PRKG1: variants seen among roughly 807,000 people sequenced by gnomAD.
The protein encoded by PRKG1 is protein kinase cGMP-dependent 1, also known as cGMP-dependent protein kinase 1.
A neutral mutation model predicts 88.1 loss-of-function variants in PRKG1; 35 were observed. The ratio of observed to expected loss-of-function variants is 0.40; its 90% CI spans 0.30 to 0.53. The LOEUF (loss-of-function observed/expected upper bound fraction) is 0.53. Ranked by LOEUF, PRKG1 falls within the 20% of genes least tolerant of loss-of-function variation. The pLI is 0.59. For synonymous variants in PRKG1, 303 were observed against 292.5 expected (o/e 1.04, Z -0.37); for missense variants, 540 against 839.8 (o/e 0.64, Z 4.41).
At chr10:52,258,150 A>G (rs1405757361) in intron 10 of PRKG1, among the ~76,000 whole-genome samples, 2 of 139,174 alleles carry the variant, frequency 1.4e-5, no homozygotes, top group African/African-American at 5.0e-5. Flanking sequence ...TCTTACAAGT[A>G]GTTGAAGTTA....
At chr10:51,950,804 C>T (rs941124884) in intron 5 of PRKG1, among the ~76,000 whole-genome samples, 6 of 152,254 alleles carry the variant, frequency 3.9e-5, no homozygotes, top group Non-Finnish European at 5.9e-5. Flanking sequence ...TGGGTACCTG[C>T]GCTCAGTGTG....
chr10:52,064,573 G>A (rs1171639733), intron 7 of PRKG1, among the ~76,000 whole-genome samples: 3 of 152,226 alleles, frequency 2.0e-5, no homozygotes, highest in Admixed American at 6.5e-5. Context: ...CTGCACCGGG[G>A]AGAAAAGGGC....
rs376243052 is a variant in PRKG1, at chr10:51,066,981, T to C, written c.266+75337T>C. ...ATATTTGCCTGCTTAAGATCCATGATAACTATGTTTTCTTCCTGTCACTTT... is the reference window on the plus strand; with the variant it reads ...ATATTTGCCTGCTTAAGATCCATGACAACTATGTTTTCTTCCTGTCACTTT... On this transcript the variant is annotated intron_variant, in intron 1 of 17. Transcript: ENST00000401604. Among the ~76,000 whole-genome samples, 101 of 152,202 alleles carry C rather than the reference T, an allele frequency of 6.6e-4. 1 individual carries two copies. Among genetic ancestry groups the C allele is most frequent in the African/African-American group, 2.2e-3 (92 of 41,542 alleles).
chr10:51,281,562 G>A (rs1200261531), intron 2 of PRKG1, among the ~76,000 whole-genome samples: 1 of 152,148 alleles, frequency 6.6e-6, no homozygotes, highest in Non-Finnish European at 1.5e-5. Context: ...CTGGAAGCTC[G>A]AACTGGGTGG....
At chr10:51,646,010 C>A (rs1839906675) in intron 3 of PRKG1, among the ~76,000 whole-genome samples, 1 of 152,014 alleles carries the variant, frequency 6.6e-6, no homozygotes, top group South Asian at 2.1e-4. Flanking sequence ...ATTGTAATTT[C>A]CAAAAAATCC....
At chr10:51,666,270 A>G (rs1372472223) in intron 3 of PRKG1, among the ~76,000 whole-genome samples, 1 of 152,202 alleles carries the variant, frequency 6.6e-6, no homozygotes, top group African/African-American at 2.4e-5. Context: ...AATCAAGTAT[A>G]TCTTTGGCTG....
At chr10:52,111,766 G>A (rs1387633061) in intron 7 of PRKG1, among the ~76,000 whole-genome samples, 2 of 152,134 alleles carry the variant, frequency 1.3e-5, no homozygotes, top group Non-Finnish European at 2.9e-5. Context: ...ACATTCTACT[G>A]AAGCAGACAA....
At chr10:51,552,083 C>T (rs991100051) in intron 3 of PRKG1, among the ~76,000 whole-genome samples, 1 of 151,450 alleles carries the variant, frequency 6.6e-6, no homozygotes, top group Non-Finnish European at 1.5e-5. Context: ...AGCTATATAC[C>T]CTACAGACTC....
chr10:51,694,496 C>A (rs1420854086), intron 3 of PRKG1, among the ~76,000 whole-genome samples: 1 of 152,100 alleles, frequency 6.6e-6, no homozygotes, highest in African/African-American at 2.4e-5. Context: ...CTCCCAAATC[C>A]TAGGAAGTCA....
intron 1 of PRKG1, among the ~76,000 whole-genome samples, chr10:51,151,766 T>C (rs771254151): frequency 6.6e-6 from 1 of 152,110 alleles, no homozygotes; most frequent in Non-Finnish European, 1.5e-5. Context: ...TTGTTTTTAT[T>C]TTTATGTGTA....
At chr10:51,180,623 A>C (rs1367902771) in intron 2 of PRKG1, among the ~76,000 whole-genome samples, 1 of 152,190 alleles carries the variant, frequency 6.6e-6, no homozygotes, top group African/African-American at 2.4e-5. Context: ...CAAATGTGTG[A>C]ATTTCACCCT....
At chr10:51,919,537 T>G (rs560225895) in intron 5 of PRKG1, among the ~76,000 whole-genome samples, 2 of 152,080 alleles carry the variant, frequency 1.3e-5, no homozygotes, top group African/African-American at 2.4e-5. Flanking sequence ...CTGCAGATTT[T>G]TTTTTTTGCT....
chr10:52,158,479 G>C (rs1838185968), intron 8 of PRKG1, among the ~76,000 whole-genome samples: 1 of 151,460 alleles, frequency 6.6e-6, no homozygotes, highest in Admixed American at 6.6e-5. Context: ...AACACTAATT[G>C]GTTCATTTTT....
intron 8 of PRKG1, among the ~76,000 whole-genome samples, chr10:52,138,142 G>T (rs1036956075): frequency 6.6e-6 from 1 of 151,812 alleles, no homozygotes; most frequent in African/African-American, 2.4e-5. Context: ...AATAGCACTC[G>T]TCTGAGATCC....
intron 1 of PRKG1, among the ~76,000 whole-genome samples, chr10:51,149,454 C>T (rs1264802451): frequency 6.6e-6 from 1 of 152,058 alleles, no homozygotes; most frequent in Non-Finnish European, 1.5e-5. Context: ...AAGATAATTT[C>T]TGTCAAGTAT....
chr10:51,319,685 T>C (rs1564444864), intron 2 of PRKG1: 1 of 152,234 alleles, frequency 6.6e-6, no homozygotes, highest in Non-Finnish European at 1.5e-5. Context: ...TATCATAAAA[T>C]AAGTATTCAA....
At chr10:52,240,567 T>C (rs1382415975) in intron 9 of PRKG1, among the ~76,000 whole-genome samples, 1 of 152,070 alleles carries the variant, frequency 6.6e-6, no homozygotes, top group Non-Finnish European at 1.5e-5. Flanking sequence ...CACCATTCAG[T>C]TTTTTGGCAG....
At chr10:51,788,586 C>A (rs184387695) in intron 3 of PRKG1, among the ~76,000 whole-genome samples, 4 of 152,186 alleles carry the variant, frequency 2.6e-5, no homozygotes, top group African/African-American at 7.2e-5. Context: ...AGTCTACTAG[C>A]GCCTAGAAAA....
intron 7 of PRKG1, among the ~76,000 whole-genome samples, chr10:52,098,759 C>A (rs1847230739): frequency 6.6e-6 from 1 of 152,148 alleles, no homozygotes; most frequent in East Asian, 1.9e-4. Flanking sequence ...TAGCTGATAC[C>A]TAAATGAGTG....
Sources: allele counts gnomAD v4.1 joint callset (sites outside exome capture counted in the v4.1 genomes callset), GRCh38; gene constraint gnomAD v4.1.1; transcripts MANE v1.5; gene names NCBI Gene and HGNC (gene_info 2026-07-23, HGNC 2026-07-21).